The following GCNT1 variants were observed in gnomAD, a reference collection of about 807,000 sequenced individuals.
The protein encoded by GCNT1 is glucosaminyl (N-acetyl) transferase 1.
Under a neutral mutation model 26.2 loss-of-function variants are expected in GCNT1, and 16 were observed. The ratio of observed to expected loss-of-function variants is 0.61; its 90% CI spans 0.41 to 0.93. GCNT1 has a LOEUF of 0.93. Ranked by LOEUF, GCNT1 falls within the 40% of genes least tolerant of loss-of-function variation. The pLI is 0.00. For missense variants in GCNT1, 477 were observed against 526.7 expected, an observed-to-expected ratio of 0.91 and a Z score of 0.92; for synonymous variants, 183 against 190.8, an observed-to-expected ratio of 0.96 and a Z score of 0.34.
intron 2 of GCNT1, among the ~76,000 whole-genome samples, chr9:76,484,401 A>T (rs1824510209): frequency 6.6e-6 from 1 of 152,020 alleles, no homozygotes; most frequent in Non-Finnish European, 1.5e-5. Flanking sequence ...AAAGCAAAAA[A>T]CTTAAGTATT....
At chr9:76,485,958 CA>C (rs1824562345) in intron 2 of GCNT1, among the ~76,000 whole-genome samples, 1 of 152,218 alleles carries the variant, frequency 6.6e-6, no homozygotes, top group Non-Finnish European at 1.5e-5. Flanking sequence ...GCCTGAACTC[CA>C]GACCTCAAGT....
At chr9:76,489,867 T>C (rs957231841) in intron 2 of GCNT1, among the ~76,000 whole-genome samples, 10 of 152,082 alleles carry the variant, frequency 6.6e-5, no homozygotes, top group Admixed American at 5.9e-4. Flanking sequence ...AGAGGGGAAC[T>C]CTTTAGGCCA....
At chr9:76,451,952 T>C (rs1026015685) in intron 1 of GCNT1, among the ~76,000 whole-genome samples, 53 of 85,870 alleles carry the variant, frequency 6.2e-4, no homozygotes, top group African/African-American at 1.5e-3. Flanking sequence ...TTCTTTCTTT[T>C]TTTTTTTTTT....
intron 1 of GCNT1, among the ~76,000 whole-genome samples, chr9:76,447,419 A>T (rs1385397979): frequency 2.0e-5 from 3 of 151,156 alleles, no homozygotes; most frequent in Admixed American, 6.6e-5. Flanking sequence ...TTTTATTTTT[A>T]TTTTTTTGTA....
At chr9:76,419,457 C>T (rs1459227609), upstream of GCNT1, among the ~76,000 whole-genome samples, 1 of 152,050 alleles carries the variant, frequency 6.6e-6, no homozygotes, top group Admixed American at 6.6e-5. Flanking sequence ...ATCGCTTGAC[C>T]CCAGGGGTTC....
At chr9:76,420,654 C>G (rs1823177333) in intron 1 of GCNT1, 1 of 152,160 alleles carries the variant, frequency 6.6e-6, no homozygotes, top group Non-Finnish European at 1.5e-5. Flanking sequence ...TCTACTATGG[C>G]TGAGTGTGGT....
intron 1 of GCNT1, among the ~76,000 whole-genome samples, chr9:76,426,132 G>T (rs1823254631): frequency 6.6e-6 from 1 of 152,108 alleles, no homozygotes; most frequent in East Asian, 1.9e-4. Context: ...TTTGGGAAAG[G>T]GCTGTTATCA....
chr9:76,458,484 A>T (rs1159599440), upstream of GCNT1, among the ~76,000 whole-genome samples: 3 of 149,436 alleles, frequency 2.0e-5, no homozygotes, highest in East Asian at 1.9e-4. Flanking sequence ...GCCCGGCCAG[A>T]ATTTTTTTTA....
At chr9:76,453,577 TAGTC>T (rs1333732850) in intron 1 of GCNT1, among the ~76,000 whole-genome samples, 2 of 152,170 alleles carry the variant, frequency 1.3e-5, no homozygotes, top group Admixed American at 6.5e-5. Flanking sequence ...CATTAGTGGA[TAGTC>T]AGCCCAAAGA....
At chr9:76,428,302 A>AAAAAAAAAAAAAAAAAAAAAAAG (rs1222053703) in intron 1 of GCNT1, among the ~76,000 whole-genome samples, 10 of 149,326 alleles carry the variant, frequency 6.7e-5, no homozygotes, top group African/African-American at 1.2e-4. Context: ...TAAAAAAAAA[A>AAAAAAAAAAAAAAAAAAAAAAAG]AGAGAGAGAG....
intron 2 of GCNT1, among the ~76,000 whole-genome samples, chr9:76,470,375 A>G (rs2131603790): frequency 6.6e-6 from 1 of 152,174 alleles, no homozygotes; most frequent in East Asian, 1.9e-4. Context: ...AGGTCGAGGC[A>G]GGCAGATCGC....
chr9:76,400,705 G>A, the GCNT1 span, among the ~76,000 whole-genome samples: 313 of 152,314 alleles, frequency 2.1e-3, 6 homozygotes, highest in Admixed American at 0.019. Context: ...CAGTAGGCCA[G>A]AGAGCAAGGG....
chr9:76,417,448 T>G (rs1263419696), upstream of GCNT1, among the ~76,000 whole-genome samples: 2 of 152,226 alleles, frequency 1.3e-5, no homozygotes, highest in Non-Finnish European at 2.9e-5. Flanking sequence ...AAGAATTATT[T>G]ATACATGCAC....
Position 76,503,468 on chromosome 9 carries a change from G to A in GCNT1, c.1087G>A (p.Val363Ile), listed in dbSNP as rs997069779. ...FVKWQYFEGD[V>I]SKGAPYPPCD... ...CAAGTGGCAGTACTTTGAGGGTGAT[G>A]TTTCCAAGGGTGCTCCCTACCCGCC... The change falls in exon 4 of 4, where the codon GTT (valine) becomes ATT (isoleucine). Residue 363 changes from valine to isoleucine, a missense_variant. Physicochemically the swap from Val to Ile is conservative, Grantham distance 29. Coordinates refer to ENST00000376730, the MANE Select transcript of GCNT1 (RefSeq NM_001490.5). The A allele has an allele frequency of 1.2e-5, 20 of 1,614,054 alleles. No individual in the cohort carries two copies. In the African/African-American group the frequency reaches 2.5e-4, roughly 20 times the overall value.
At chr9:76,462,063 A>G (rs1823882222) in intron 2 of GCNT1, among the ~76,000 whole-genome samples, 1 of 152,210 alleles carries the variant, frequency 6.6e-6, no homozygotes, top group Non-Finnish European at 1.5e-5. Flanking sequence ...GGTAGAAAAC[A>G]GAAATTACTA....
At chr9:76,400,070 A>G in the GCNT1 span, among the ~76,000 whole-genome samples, 1 of 152,174 alleles carries the variant, frequency 6.6e-6, no homozygotes, top group Non-Finnish European at 1.5e-5. Context: ...GGTTTGGGGA[A>G]GTTGGAGGTC....
chr9:76,426,833 C>T (rs1389349909), intron 1 of GCNT1, among the ~76,000 whole-genome samples: 1 of 152,082 alleles, frequency 6.6e-6, no homozygotes, highest in Non-Finnish European at 1.5e-5. Flanking sequence ...ATCGCTTGAA[C>T]CTGGGAGGCG....
upstream of GCNT1, among the ~76,000 whole-genome samples, chr9:76,457,038 T>A (rs1361624107): frequency 6.6e-6 from 1 of 152,164 alleles, no homozygotes; most frequent in African/African-American, 2.4e-5. Flanking sequence ...AAACAAGATA[T>A]ATTCCAAAAG....
At chr9:76,394,310 G>A in the GCNT1 span, 1 of 751,030 alleles carries the variant, frequency 1.3e-6, no homozygotes, top group Non-Finnish European at 2.0e-6. Context: ...ACCAGTGGCC[G>A]GACGACGCCG....
Sources: allele counts gnomAD v4.1 joint callset (sites outside exome capture counted in the v4.1 genomes callset), GRCh38; gene constraint gnomAD v4.1.1; transcripts MANE v1.5; gene names NCBI Gene and HGNC (gene_info 2026-07-23, HGNC 2026-07-21).